Variants in WDR47 observed in about 807,000 individuals in gnomAD.
WDR47 encodes the protein WD repeat-containing protein 47.
WDR47 carries 32 observed loss-of-function variants against 97.2 expected under a neutral mutation model. The ratio of observed to expected loss-of-function variants is 0.33; its 90% CI spans 0.25 to 0.44. The LOEUF is 0.44. Among genes scored for constraint, WDR47 ranks in the 20% least tolerant of loss-of-function variants. The pLI is 1.00. For missense variants in WDR47, 782 were observed against 1,102.3 expected (o/e 0.71, Z 4.11); for synonymous variants, 375 against 373.5 (o/e 1.00, Z -0.05).
chr1:109,001,665 G>A (rs1265728051), intron 7 of WDR47, among the ~76,000 whole-genome samples: 5 of 152,062 alleles, frequency 3.3e-5, no homozygotes, highest in African/African-American at 4.8e-5. Context: ...CAAGGTGGAC[G>A]GATCGCTTGA....
At chr1:108,988,250 G>T (rs989603341) in intron 9 of WDR47, among the ~76,000 whole-genome samples, 1 of 146,520 alleles carries the variant, frequency 6.8e-6, no homozygotes, top group Admixed American at 6.9e-5. Flanking sequence ...GGGGCACCAA[G>T]AAGGAAGGAA....
chr1:108,985,976 C>CAAAAAAAAAAAA (rs35165386), intron 10 of WDR47, among the ~76,000 whole-genome samples: 1 of 96,180 alleles, frequency 1.0e-5, no homozygotes, highest in Non-Finnish European at 2.2e-5. Flanking sequence ...ATAGAGATAG[C>CAAAAAAAAAAAA]AAAAAAAAAA....
In WDR47 at chr1:109,011,129, T is replaced by A. The variant is rs1661009886; in HGVS notation, c.917A>T (p.Asp306Val). Residue 306 changes from aspartate (D) to valine (V), a missense_variant, in exon 5 of 15, where the codon GAT (aspartate) becomes GTT (valine). By Grantham distance (152) the Asp-to-Val change is radical (BLOSUM62 -3). Transcript: ENST00000369962. ...SSPMRRPQSA[D>V]AYMTRSLNPA... Reference sequence around the variant, plus strand: ...ATTCAGAGAGCGGGTCATATAGGCATCAGCTGATTGAGGTCTTCTCATTGG... The same window carrying A: ...ATTCAGAGAGCGGGTCATATAGGCAACAGCTGATTGAGGTCTTCTCATTGG... 2.5e-6 allele frequency: 4 copies of A among 1,614,132 alleles called. No homozygotes were observed. The highest frequency in any genetic ancestry group is 3.4e-6 in the Non-Finnish European group (4 of 1,180,020).
At position 108,974,567 on chromosome 1, in the gene WDR47, A is replaced by G. The variant is rs1194120313; in HGVS notation, c.2586T>C (p.Tyr862=). ...GGTCTGTCACCTTTATTTTCATATCATAAGAGCCTGTTAGCAAGTAGTGAG... is the reference window on the plus strand; with the variant it reads ...GGTCTGTCACCTTTATTTTCATATCGTAAGAGCCTGTTAGCAAGTAGTGAG... ...PGAHYLLTGS[Y]DMKIKVTDLQ... Residue 862 remains tyrosine, a synonymous_variant, in exon 14 of 15, where the codon TAT becomes TAC. Coordinates refer to ENST00000369962, the MANE Select transcript of WDR47 (RefSeq NM_001142551.2). The G allele has an allele frequency of 3.7e-6, 6 of 1,614,068 alleles. No homozygotes were observed. Among genetic ancestry groups the G allele is most frequent in the East Asian group, 2.2e-5 (1 of 44,894 alleles).
Position 109,002,377 on chromosome 1 carries a change from T to C in WDR47, c.1280A>G (p.Gln427Arg). ...NELRDSTEQF[Q>R]EYYRQRLRYQ... ...GCGTAATCTTTGCCTATAATATTCT[T>C]GAAATTGTTCTGTTGAATCTCGAAG... Residue 427 changes from glutamine (Q) to arginine (R), a missense_variant, in exon 7 of 15, where the codon CAA becomes CGA. Coordinates refer to ENST00000369962, the MANE Select transcript of WDR47 (RefSeq NM_001142551.2). 2 of 1,606,522 alleles carry C rather than the reference T, an allele frequency of 1.2e-6. No homozygotes were observed. Among genetic ancestry groups the C allele is most frequent in the Non-Finnish European group, 1.7e-6 (2 of 1,178,196 alleles).
rs2102033858 is a variant in WDR47 at position 109,031,477 on chromosome 1, C to A, written c.-9-7956G>T. 1.4e-5 allele frequency among the ~76,000 whole-genome samples: 2 copies of A among 139,604 alleles called. 1 individual carries two copies. Among genetic ancestry groups the A allele is most frequent in the Non-Finnish European group, 3.2e-5 (2 of 62,736 alleles). 91.6% of individuals were successfully genotyped at this position (139,604 alleles called of 152,430 possible). ...AACTAGATAAGAATAGAAATGGAAT[C>A]TGTACAACAAAGCAGCCCTGTAACA... On this transcript the variant is annotated intron_variant, in intron 1 of 14. Transcript: ENST00000369962.
intron 3 of WDR47, among the ~76,000 whole-genome samples, chr1:109,015,690 T>TA (rs776658209): frequency 1.3e-5 from 2 of 149,410 alleles, no homozygotes; most frequent in African/African-American, 2.5e-5. Context: ...AGTCAATCCT[T>TA]AAAAAAAGAG....
intron 8 of WDR47, 104 bp from the exon 9 acceptor site, chr1:108,991,433 T>A: frequency 1.1e-6 from 1 of 922,374 alleles, no homozygotes; most frequent in Non-Finnish European, 1.7e-6. Context: ...CAAACAATCC[T>A]AGCTGACTCC....
At chr1:109,002,805 C>A (rs771876482) in intron 6 of WDR47, among the ~76,000 whole-genome samples, 2 of 152,176 alleles carry the variant, frequency 1.3e-5, no homozygotes, top group African/African-American at 2.4e-5. Context: ...CAACTTACCC[C>A]AGCCAGAATG....
chr1:108,979,913 G>A (rs1658208727), intron 13 of WDR47, among the ~76,000 whole-genome samples: 3 of 152,142 alleles, frequency 2.0e-5, no homozygotes, highest in Admixed American at 2.0e-4. Context: ...TAGGCACCGG[G>A]CCACACAGCA....
At chr1:109,004,196 C>T (rs1294755099) in intron 6 of WDR47, among the ~76,000 whole-genome samples, 2 of 150,988 alleles carry the variant, frequency 1.3e-5, no homozygotes, top group African/African-American at 2.4e-5. Flanking sequence ...ACCCGGGAGG[C>T]GGAGCTTGCA....
intron 13 of WDR47, among the ~76,000 whole-genome samples, chr1:108,976,877 G>A (rs191331499): frequency 1.3e-5 from 2 of 152,184 alleles, no homozygotes; most frequent in Non-Finnish European, 2.9e-5. Flanking sequence ...AGTGATCTGA[G>A]GTGAGACTAG....
chr1:108,971,421 C>T lies in WDR47; in HGVS notation c.*9G>A, dbSNP rs775638290. 37 of 1,613,806 alleles carry T rather than the reference C, an allele frequency of 2.3e-5. No individual in the cohort carries two copies. The Middle Eastern group carries it at 9.9e-4, about 43-fold the overall frequency. On this transcript the variant is annotated 3_prime_UTR_variant, in exon 15 of 15. Coordinates refer to ENST00000369962, the MANE Select transcript of WDR47 (RefSeq NM_001142551.2). ...TGCTTTTGCTGCATAGACTGACATGCGGTGTGCTCTACCCATTGTAAGTCC... is the reference window on the plus strand; with the variant it reads ...TGCTTTTGCTGCATAGACTGACATGTGGTGTGCTCTACCCATTGTAAGTCC...
intron 1 of WDR47, among the ~76,000 whole-genome samples, chr1:109,038,758 C>T (rs1351053358): frequency 6.6e-6 from 1 of 152,156 alleles, no homozygotes; most frequent in East Asian, 1.9e-4. Flanking sequence ...GGGTGGATCA[C>T]TTGAGGTCAG....
intron 1 of WDR47, among the ~76,000 whole-genome samples, chr1:109,034,430 T>C (rs1662796289): frequency 6.6e-6 from 1 of 152,232 alleles, no homozygotes; most frequent in South Asian, 2.1e-4. Flanking sequence ...CTGTCCTTAA[T>C]AGCAGAATTG....
chr1:109,011,943 T>C (rs1661060050), intron 4 of WDR47, among the ~76,000 whole-genome samples: 2 of 152,112 alleles, frequency 1.3e-5, no homozygotes, highest in South Asian at 4.1e-4. Context: ...AAAACACTGT[T>C]CTATTATAAT....
chr1:109,029,158 TAGA>T (rs1197425718), intron 1 of WDR47, among the ~76,000 whole-genome samples: 3 of 152,194 alleles, frequency 2.0e-5, no homozygotes, highest in African/African-American at 7.2e-5. Context: ...AAACCAAGAT[TAGA>T]AGGATGTATT....
chr1:109,008,198 A>G (rs1476634402), intron 5 of WDR47, among the ~76,000 whole-genome samples: 4 of 152,126 alleles, frequency 2.6e-5, no homozygotes, highest in Non-Finnish European at 5.9e-5. Flanking sequence ...ATGAAAGAAA[A>G]TATCACAACT....
chr1:109,018,741 G>C (rs1340363719), intron 2 of WDR47, among the ~76,000 whole-genome samples: 1 of 151,832 alleles, frequency 6.6e-6, no homozygotes, highest in African/African-American at 2.4e-5. Context: ...CTTGAGCCCA[G>C]ATGTCAAGGC....
Sources: gnomAD v4.1 joint callset for allele counts (sites outside exome capture counted in the v4.1 genomes callset) on GRCh38, gnomAD v4.1.1 for gene constraint, MANE v1.5 for transcripts, NCBI Gene and HGNC (gene_info 2026-07-23, HGNC 2026-07-21) for gene names.